USP36: variants seen among roughly 807,000 people sequenced by gnomAD.
USP36 encodes the protein ubiquitin specific peptidase 36.
In USP36, 59 loss-of-function variants were observed where a neutral mutation model predicts 111.5. The observed-to-expected ratio is 0.53, with a 90% CI of 0.43 to 0.66. USP36 has a LOEUF of 0.66. Among genes scored for constraint, USP36 ranks in the 30% least tolerant of loss-of-function variants. The pLI, the probability that USP36 is intolerant of heterozygous loss-of-function variation, is 0.00. For synonymous variants in USP36, 628 were observed against 581.0 expected, an observed-to-expected ratio of 1.08 and a Z score of -1.16; for missense variants, 1,488 against 1,468.0, an observed-to-expected ratio of 1.01 and a Z score of -0.22.
chr17:78,827,046 A>T, intron 6 of USP36, 199 bp downstream of exon 6: 2 of 712,758 alleles, frequency 2.8e-6, no homozygotes, highest in Non-Finnish European at 5.0e-6. Flanking sequence ...CTCCGGAGAC[A>T]GCCCTTTCCC....
chr17:78,798,866 G>A lies in USP36; in HGVS notation c.3240+42C>T, dbSNP rs74001252. On this transcript the variant is annotated intron_variant, in intron 19 of 20. Coordinates refer to ENST00000449938, the MANE Select transcript of USP36 (RefSeq NM_001385174.1). The surrounding 1 kb of genome is among the most constrained non-coding windows in gnomAD (Gnocchi z 5.1). ...CCCCGGCTCTGAGCTGAGCCACGCC[G>A]CCCTGCTCCCTCAAGCCTGTGGTCA... 1,203 of 1,607,920 alleles carry A rather than the reference G, an allele frequency of 7.5e-4. 7 individuals are homozygous for A. The African/African-American group carries it at 0.014, about 18-fold the overall frequency.
intron 4 of USP36, among the ~76,000 whole-genome samples, chr17:78,831,008 C>G (rs1455779411): frequency 6.6e-6 from 1 of 151,550 alleles, no homozygotes; most frequent in East Asian, 1.9e-4. Flanking sequence ...AGGTGGATCG[C>G]GAGGTCAGGA....
In USP36 at chr17:78,819,932, A is replaced by C. The variant is rs1195331386; in HGVS notation, c.909T>G (p.Ala303=). 4 of 1,613,894 alleles carry C rather than the reference A, an allele frequency of 2.5e-6. No individual in the cohort carries two copies. Among genetic ancestry groups the C allele is most frequent in the Non-Finnish European group, 3.4e-6 (4 of 1,179,962 alleles). ...VLSGENAYMC[A]KCKKKVPASK... ...GCCACAAGCAACGTGAAACTTACTT[A>C]GCACACATGTAGGCATTCTCTCCAC... Residue 303 remains alanine, a splice_region_variant and synonymous_variant, in exon 9 of 21, where the codon GCT becomes GCG. Coordinates refer to ENST00000449938, the MANE Select transcript of USP36 (RefSeq NM_001385174.1).
intron 2 of USP36, among the ~76,000 whole-genome samples, chr17:78,837,546 T>C (rs1189376229): frequency 1.3e-5 from 2 of 152,142 alleles, no homozygotes; most frequent in Non-Finnish European, 2.9e-5. Flanking sequence ...AGAGGATCGA[T>C]ACTGTTGGTG....
chr17:78,811,168 A>AAC (rs1555629807), intron 13 of USP36, among the ~76,000 whole-genome samples: 61 of 146,360 alleles, frequency 4.2e-4, no homozygotes, highest in African/African-American at 1.5e-3. Context: ...AACAGTCATC[A>AAC]AGAGGGTCCA....
chr17:78,836,798 G>GACACAC (rs71365539), intron 2 of USP36, among the ~76,000 whole-genome samples: 41,325 of 145,686 alleles, frequency 0.28, 6,385 homozygotes, highest in East Asian at 0.45. Flanking sequence ...TACACACACG[G>GACACAC]ACACACACAC....
intron 10 of USP36, among the ~76,000 whole-genome samples, chr17:78,814,865 C>A (rs1347119384): frequency 6.6e-6 from 1 of 152,074 alleles, no homozygotes; most frequent in Non-Finnish European, 1.5e-5. Context: ...GAACAAGAAT[C>A]ACTTGAACCC....
intron 3 of USP36, among the ~76,000 whole-genome samples, chr17:78,788,756 T>A (rs965181562): frequency 6.6e-6 from 1 of 152,148 alleles, no homozygotes; most frequent in African/African-American, 2.4e-5. Context: ...CAGGACATCA[T>A]CTACGGCCTC....
At chr17:78,821,747 A>C (rs996730827) in intron 7 of USP36, among the ~76,000 whole-genome samples, 190 bp downstream of exon 7, 7 of 151,972 alleles carry the variant, frequency 4.6e-5, no homozygotes, top group African/African-American at 1.7e-4. Context: ...CCTCGTGGGA[A>C]TATTCTAACA....
chr17:78,828,933 C>A lies in USP36; in HGVS notation c.550G>T (p.Ala184Ser). 4 of 1,614,170 alleles carry A rather than the reference C, an allele frequency of 2.5e-6. No individual in the cohort carries two copies. In the South Asian group the frequency reaches 4.4e-5, roughly 18 times the overall value. ...CGGATGAAGGAGACGGGCTTGATGGCGTTGCCGCTGTTGGCGAAGGCCTGG... is the reference window on the plus strand; with the variant it reads ...CGGATGAAGGAGACGGGCTTGATGGAGTTGCCGCTGTTGGCGAAGGCCTGG... Reference protein sequence around the residue: ...IVQAFANSGNAIKPVSFIRDL... With the variant: ...IVQAFANSGNSIKPVSFIRDL... The change falls in exon 5 of 21, where the codon GCC becomes TCC. Residue 184 changes from alanine to serine, a missense_variant. Physicochemically the swap from Ala to Ser is moderately conservative, Grantham distance 99. Transcript: ENST00000449938.
intron 6 of USP36, chr17:78,826,356 T>G (rs1345220675): frequency 2.0e-5 from 3 of 152,202 alleles, no homozygotes; most frequent in African/African-American, 7.2e-5. Context: ...GGCAAAACTC[T>G]GTCTCTACTA....
At chr17:78,794,525 A>T (rs1258352853), downstream of USP36, among the ~76,000 whole-genome samples, 4 of 152,154 alleles carry the variant, frequency 2.6e-5, no homozygotes, top group African/African-American at 7.2e-5. Context: ...TGGAGCCGTC[A>T]GTCCTGCCGG....
At chr17:78,801,655 A>G (rs1343312808) in intron 17 of USP36, among the ~76,000 whole-genome samples, 1 of 152,204 alleles carries the variant, frequency 6.6e-6, no homozygotes, top group Non-Finnish European at 1.5e-5. Context: ...CAGGTCCCCA[A>G]CAGCAAGCAA....
intron 4 of USP36, among the ~76,000 whole-genome samples, chr17:78,831,930 G>A (rs1346029802): frequency 8.0e-6 from 1 of 125,416 alleles, no homozygotes; most frequent in African/African-American, 2.9e-5. Context: ...GTGACAGAGT[G>A]AGAGCTTGTC....
chr17:78,809,468 G>A (rs991856509), intron 13 of USP36, among the ~76,000 whole-genome samples: 4 of 151,906 alleles, frequency 2.6e-5, no homozygotes, highest in Admixed American at 6.6e-5. Context: ...AAAACGGCTC[G>A]TCTGCTTGCA....
intron 5 of USP36, 152 bp from the exon 6 acceptor site, chr17:78,827,499 G>C (rs957956438): frequency 2.9e-6 from 2 of 699,962 alleles, no homozygotes; most frequent in African/African-American, 3.6e-5. Flanking sequence ...GCTCTACATG[G>C]ATTTTCTATA....
chr17:78,790,900 A>AT (rs1362109023), downstream of USP36, among the ~76,000 whole-genome samples: 4 of 152,142 alleles, frequency 2.6e-5, no homozygotes, highest in African/African-American at 9.7e-5. Flanking sequence ...TCTAATGGAT[A>AT]TTTGGCAGCC....
rs768169484 is a variant in USP36, at chr17:78,803,431, C to G, written c.2764G>C (p.Gly922Arg). The G allele has an allele frequency of 6.2e-7, 1 of 1,614,036 alleles. No homozygotes were observed. The highest frequency in any genetic ancestry group is 1.3e-5 in the African/African-American group (1 of 74,936). ...SRKRRRKGAE[G>R]LGEEGGLHQD... ...TGCAGGCCGCCTTCTTCACCAAGACCTTCTGCTCCTTTCCTCCTCCGCTTC... is the reference window on the plus strand; with the variant it reads ...TGCAGGCCGCCTTCTTCACCAAGACGTTCTGCTCCTTTCCTCCTCCGCTTC... The change falls in exon 16 of 21, where the codon GGT becomes CGT. Residue 922 changes from glycine to arginine, a missense_variant. By Grantham distance (125) the Gly-to-Arg change is moderately radical (BLOSUM62 -2). Transcript: ENST00000449938. This position sits in a 1 kb window ranked among gnomAD's most constrained non-coding sequence, Gnocchi z 4.6.
chr17:78,801,528 C>A (rs1313091035), intron 17 of USP36, among the ~76,000 whole-genome samples: 1 of 152,244 alleles, frequency 6.6e-6, no homozygotes, highest in Non-Finnish European at 1.5e-5. Flanking sequence ...TTTCTCTCCC[C>A]TTCACTTAAC....
Sources: allele counts gnomAD v4.1 joint callset (sites outside exome capture counted in the v4.1 genomes callset), GRCh38; gene constraint gnomAD v4.1.1; non-coding constraint Gnocchi (gnomAD v3.1); transcripts MANE v1.5; gene names NCBI Gene and HGNC (gene_info 2026-07-23, HGNC 2026-07-21).